The following POLR3B variants were observed in gnomAD, a reference collection of about 807,000 sequenced individuals.
POLR3B encodes the protein RNA polymerase III subunit B.
Under a neutral mutation model 147.4 loss-of-function variants are expected in POLR3B, and 96 were observed. The observed-to-expected ratio is 0.65, with a 90% confidence interval of 0.55 to 0.77. The LOEUF (loss-of-function observed/expected upper bound fraction) is 0.77. POLR3B is among the 30% of genes least tolerant of loss of function. POLR3B has a pLI of 0.00. For synonymous variants in POLR3B, 461 were observed against 485.9 expected (o/e 0.95, Z 0.67); for missense variants, 1,036 against 1,413.5 (o/e 0.73, Z 4.28).
chr12:106,357,991 G>A (rs377725714), intron 1 of POLR3B, 40 bp downstream of exon 1: 4 of 1,606,056 alleles, frequency 2.5e-6, no homozygotes, highest in Non-Finnish European at 3.4e-6. Flanking sequence ...GGACAAGGAT[G>A]CGCCCTGAGG....
At chr12:106,409,059 CA>C (rs1162725852) in intron 11 of POLR3B, among the ~76,000 whole-genome samples, 3 of 151,996 alleles carry the variant, frequency 2.0e-5, no homozygotes. Flanking sequence ...AGTGTTTATG[CA>C]AAAGGAAAAT....
In POLR3B at chr12:106,496,811, C is replaced by T. The variant is rs148708579; in HGVS notation, c.2877C>T (p.His959=). 6.9e-3 allele frequency: 11,200 copies of T among 1,614,094 alleles called. 80 individuals carry two copies. Among genetic ancestry groups the T allele is most frequent in the Middle Eastern group, 0.057 (344 of 6,062 alleles). Residue 959 remains histidine, a synonymous_variant, in exon 25 of 28, where the codon CAC becomes CAT. Coordinates refer to ENST00000228347, the MANE Select transcript of POLR3B (RefSeq NM_018082.6). ...GKAGVLDGRF[H]YGTAFGGSKV... ...CCGGTGTGCTGGACGGCAGATTCCACTACGGCACTGCGTTTGGAGGCAGTA... is the reference window on the plus strand; with the variant it reads ...CCGGTGTGCTGGACGGCAGATTCCATTACGGCACTGCGTTTGGAGGCAGTA...
At chr12:106,397,837 T>C (rs1477015360) in intron 10 of POLR3B, among the ~76,000 whole-genome samples, 2 of 152,214 alleles carry the variant, frequency 1.3e-5, no homozygotes, top group African/African-American at 4.8e-5. Flanking sequence ...TTCTCATGAA[T>C]GTGTACCTAA....
intron 18 of POLR3B, among the ~76,000 whole-genome samples, chr12:106,442,366 G>A (rs2037663619): frequency 6.6e-6 from 1 of 152,084 alleles, no homozygotes; most frequent in African/African-American, 2.4e-5. Context: ...TTTAAACAAA[G>A]CAGTATATTT....
chr12:106,464,067 CG>C (rs926985413), intron 23 of POLR3B, among the ~76,000 whole-genome samples: 2 of 152,178 alleles, frequency 1.3e-5, no homozygotes, highest in African/African-American at 4.8e-5. Flanking sequence ...GTTCAGACCC[CG>C]CATTTTCAGT....
chr12:106,417,285 G>T (rs2037317283), intron 12 of POLR3B, among the ~76,000 whole-genome samples: 1 of 152,180 alleles, frequency 6.6e-6, no homozygotes, highest in Admixed American at 6.5e-5. Context: ...ATGAATTTAG[G>T]GACTGGAGGA....
At position 106,509,665 on chromosome 12, in the gene POLR3B, T is replaced by A; in HGVS notation, c.*116T>A. The A allele has an allele frequency of 1.0e-6, 1 of 958,110 alleles. No homozygotes were observed. Among genetic ancestry groups the A allele is most frequent in the Non-Finnish European group, 1.6e-6 (1 of 626,832 alleles). The allele number at this position is 958,110 out of a possible 1,614,324, so 59.4% of individuals were successfully genotyped here. On this transcript the variant is annotated 3_prime_UTR_variant, in exon 28 of 28. Transcript: ENST00000228347. ...AGAATTCCCTTGCGTATTCTCTCTC[T>A]AAAACAACCAAAAAAAAATGGAGAG... is the stretch of plus-strand genomic sequence containing the variant.
chr12:106,448,427 CTTTTT>C (rs869133588), intron 19 of POLR3B, among the ~76,000 whole-genome samples: 3 of 50,614 alleles, frequency 5.9e-5, no homozygotes, highest in African/African-American at 1.5e-4. Flanking sequence ...TACGTTATTT[CTTTTT>C]TTTTTTTTTT....
At chr12:106,411,302 C>A (rs545666919) in intron 12 of POLR3B, among the ~76,000 whole-genome samples, 7 of 152,172 alleles carry the variant, frequency 4.6e-5, no homozygotes, top group Non-Finnish European at 8.8e-5. Flanking sequence ...CCGTGCCCGG[C>A]TAATTTTGTA....
At chr12:106,449,675 C>T (rs575204025) in intron 19 of POLR3B, among the ~76,000 whole-genome samples, 5 of 152,174 alleles carry the variant, frequency 3.3e-5, no homozygotes, top group African/African-American at 4.8e-5. Flanking sequence ...TCTTTATCCT[C>T]GTCATCTTCA....
chr12:106,386,187 A>C (rs2036834407), intron 9 of POLR3B, among the ~76,000 whole-genome samples: 2 of 152,040 alleles, frequency 1.3e-5, no homozygotes, highest in Admixed American at 1.3e-4. Context: ...CTCTGCTAAA[A>C]ATACAAAAAC....
intron 25 of POLR3B, chr12:106,500,117 A>T (rs1192892799): frequency 2.2e-6 from 1 of 455,884 alleles, no homozygotes; most frequent in Non-Finnish European, 4.4e-6. Flanking sequence ...TTCAAAATAG[A>T]GGTGACAGTT....
chr12:106,431,189 A>C (rs2037505630), intron 14 of POLR3B, among the ~76,000 whole-genome samples: 1 of 152,200 alleles, frequency 6.6e-6, no homozygotes, highest in South Asian at 2.1e-4. Context: ...TAGGGTCCAA[A>C]GTGTAGGAAT....
chr12:106,457,665 A>G (rs573354483), intron 21 of POLR3B, among the ~76,000 whole-genome samples: 12 of 152,358 alleles, frequency 7.9e-5, no homozygotes, highest in African/African-American at 2.4e-4. Context: ...GTATGACTCC[A>G]TTATAATTAC....
At chr12:106,365,043 G>A (rs993633782) in intron 2 of POLR3B, among the ~76,000 whole-genome samples, 2 of 152,130 alleles carry the variant, frequency 1.3e-5, no homozygotes, top group African/African-American at 4.8e-5. Context: ...GATAAGGCAG[G>A]AGAATAGCTT....
At chr12:106,438,137 C>T (rs892280103) in intron 18 of POLR3B, among the ~76,000 whole-genome samples, 3 of 151,938 alleles carry the variant, frequency 2.0e-5, no homozygotes, top group African/African-American at 7.3e-5. Flanking sequence ...TGAGAACATG[C>T]GGTGTTTGGT....
intron 19 of POLR3B, among the ~76,000 whole-genome samples, chr12:106,454,231 A>C (rs1178724235): frequency 6.6e-6 from 1 of 152,228 alleles, no homozygotes; most frequent in Non-Finnish European, 1.5e-5. Context: ...TAAATCCCTC[A>C]AATGGGATAA....
chr12:106,424,619 AT>A (rs1406956676), intron 12 of POLR3B, among the ~76,000 whole-genome samples: 2 of 151,560 alleles, frequency 1.3e-5, no homozygotes, highest in Admixed American at 6.6e-5. Flanking sequence ...TGCTTGCTAG[AT>A]TTTTTTTTAA....
intron 6 of POLR3B, among the ~76,000 whole-genome samples, chr12:106,375,444 C>T (rs2036664802): frequency 1.3e-5 from 2 of 152,144 alleles, no homozygotes; most frequent in African/African-American, 4.8e-5. Flanking sequence ...ATCTAGAAGT[C>T]TGATTAGGTG....
Sources: gnomAD v4.1 joint callset for allele counts (sites outside exome capture counted in the v4.1 genomes callset) on GRCh38, gnomAD v4.1.1 for gene constraint, MANE v1.5 for transcripts, NCBI Gene and HGNC (gene_info 2026-07-23, HGNC 2026-07-21) for gene names.